DPP10: variants seen among roughly 807,000 people sequenced by gnomAD.
The protein encoded by DPP10 is inactive dipeptidyl peptidase 10.
A neutral mutation model predicts 120.9 loss-of-function variants in DPP10; 33 were observed. The ratio of observed to expected loss-of-function variants is 0.27; its 90% CI spans 0.21 to 0.37. The LOEUF is 0.37. Among genes scored for constraint, DPP10 ranks in the 10% least tolerant of loss-of-function variants. The pLI, the probability that DPP10 is intolerant of heterozygous loss-of-function variation, is 1.00. For missense variants in DPP10, 816 were observed against 942.8 expected (o/e 0.87, Z 1.76); for synonymous variants, 337 against 326.1 (o/e 1.03, Z -0.36).
intron 1 of DPP10, among the ~76,000 whole-genome samples, chr2:115,068,039 A>C (rs904979218): frequency 6.6e-6 from 1 of 151,998 alleles, no homozygotes; most frequent in African/African-American, 2.4e-5. Flanking sequence ...ACAGGAATGC[A>C]GATATCTCTT....
At chr2:115,002,101 G>T (rs1053762938) in intron 1 of DPP10, among the ~76,000 whole-genome samples, 3 of 152,150 alleles carry the variant, frequency 2.0e-5, no homozygotes, top group African/African-American at 7.2e-5. Context: ...GAACAGAGCT[G>T]GAGGCATCAT....
chr2:114,701,956 T>C (rs191532751), intron 1 of DPP10, among the ~76,000 whole-genome samples: 1 of 152,292 alleles, frequency 6.6e-6, no homozygotes, highest in African/African-American at 2.4e-5. Flanking sequence ...ATTAATTCTC[T>C]AGTAAATTAG....
chr2:115,319,089 A>G (rs1159370380), intron 2 of DPP10, among the ~76,000 whole-genome samples: 1 of 152,094 alleles, frequency 6.6e-6, no homozygotes, highest in Non-Finnish European at 1.5e-5. Flanking sequence ...TTTTATTTCT[A>G]GCTCTTAAAA....
intron 1 of DPP10, among the ~76,000 whole-genome samples, chr2:114,477,932 T>TATATGTGTATATATGTACAC (rs1558795094): frequency 4.7e-5 from 7 of 150,020 alleles, no homozygotes; most frequent in African/African-American, 1.5e-4. Flanking sequence ...TATATGTACA[T>TATATGTGTATATATGTACAC]ATGTGTATAT....
At chr2:115,609,141 C>T (rs1297951001) in intron 5 of DPP10, among the ~76,000 whole-genome samples, 1 of 152,082 alleles carries the variant, frequency 6.6e-6, no homozygotes, top group Non-Finnish European at 1.5e-5. Flanking sequence ...AGGATGGAAT[C>T]TCAGAAAGGG....
intron 7 of DPP10, among the ~76,000 whole-genome samples, chr2:115,711,177 G>A (rs1200118405): frequency 6.6e-6 from 1 of 152,114 alleles, no homozygotes; most frequent in Non-Finnish European, 1.5e-5. Flanking sequence ...GGAGTGAATA[G>A]TGGATTCGCT....
chr2:115,141,362 C>T (rs1573760883), intron 1 of DPP10, among the ~76,000 whole-genome samples: 1 of 152,148 alleles, frequency 6.6e-6, no homozygotes, highest in Non-Finnish European at 1.5e-5. Flanking sequence ...CCGTGCATGC[C>T]GCTTCACACA....
intron 5 of DPP10, among the ~76,000 whole-genome samples, chr2:115,613,673 T>C (rs2084278869): frequency 6.6e-6 from 1 of 152,214 alleles, no homozygotes; most frequent in African/African-American, 2.4e-5. Flanking sequence ...TGCTAAGATA[T>C]ATTTATTCTC....
At chr2:114,679,750 G>A (rs1698901868) in intron 1 of DPP10, among the ~76,000 whole-genome samples, 1 of 151,946 alleles carries the variant, frequency 6.6e-6, no homozygotes. Context: ...TTTATTAAAT[G>A]TCACCTTAGG....
intron 7 of DPP10, among the ~76,000 whole-genome samples, chr2:115,693,453 A>G (rs553747826): frequency 6.6e-6 from 1 of 152,244 alleles, no homozygotes; most frequent in Admixed American, 6.5e-5. Context: ...GAAACCCAAG[A>G]CAACTCCACC....
chr2:115,291,632 A>T (rs192698561), intron 1 of DPP10, among the ~76,000 whole-genome samples: 1 of 152,102 alleles, frequency 6.6e-6, no homozygotes, highest in African/African-American at 2.4e-5. Flanking sequence ...TATTTGAATG[A>T]TGGATGTGTT....
At chr2:115,559,092 A>G (rs558246317) in intron 5 of DPP10, among the ~76,000 whole-genome samples, 6 of 152,304 alleles carry the variant, frequency 3.9e-5, no homozygotes, top group African/African-American at 1.2e-4. Context: ...TTCAAAAAGT[A>G]TTTTTATATT....
chr2:114,536,088 C>G (rs896177701), intron 1 of DPP10, among the ~76,000 whole-genome samples: 1 of 152,120 alleles, frequency 6.6e-6, no homozygotes, highest in South Asian at 2.1e-4. Flanking sequence ...GCTCAGAGCC[C>G]CTTCTTTACC....
chr2:115,097,979 C>T (rs550460870), intron 1 of DPP10, among the ~76,000 whole-genome samples: 9 of 152,236 alleles, frequency 5.9e-5, no homozygotes, highest in African/African-American at 2.2e-4. Context: ...GTGAAGGAAC[C>T]TGGACTGGCA....
chr2:115,258,791 G>A (rs2059122504), intron 1 of DPP10, among the ~76,000 whole-genome samples: 1 of 152,266 alleles, frequency 6.6e-6, no homozygotes, highest in African/African-American at 2.4e-5. Context: ...CAGATACTGT[G>A]GAAGCTGAAG....
rs77862713 is a variant in DPP10 at position 114,465,478 on chromosome 2, C to T, written c.60+22640C>T. On this transcript the variant is annotated intron_variant, in intron 1 of 25. Transcript: ENST00000410059. ...GGCTCATCCTATTGATACAATTTCCCTGCTCCCAGCCAATGGCTGCTGCAG... is the reference window on the plus strand; with the variant it reads ...GGCTCATCCTATTGATACAATTTCCTTGCTCCCAGCCAATGGCTGCTGCAG... Among the ~76,000 whole-genome samples the T allele has an allele frequency of 1.5e-4, 23 of 152,292 alleles. No individual in the cohort carries two copies. In the East Asian group the frequency reaches 4.3e-3, roughly 28 times the overall value.
chr2:115,103,576 C>A (rs1477085185), intron 1 of DPP10, among the ~76,000 whole-genome samples: 2 of 152,126 alleles, frequency 1.3e-5, no homozygotes, highest in African/African-American at 4.8e-5. Context: ...TTGGATATCA[C>A]CTCAATTTCT....
At chr2:115,715,511 G>A (rs1051157017) in intron 7 of DPP10, among the ~76,000 whole-genome samples, 6 of 151,978 alleles carry the variant, frequency 3.9e-5, no homozygotes, top group African/African-American at 1.4e-4. Context: ...AACACTTTCT[G>A]CTTCGCTATA....
At chr2:114,532,501 G>A (rs539331182) in intron 1 of DPP10, among the ~76,000 whole-genome samples, 28 of 151,828 alleles carry the variant, frequency 1.8e-4, no homozygotes, top group African/African-American at 5.8e-4. Context: ...CCCAGGTAAA[G>A]AATTAGAATA....
Sources: gnomAD v4.1 joint callset for allele counts (sites outside exome capture counted in the v4.1 genomes callset) on GRCh38, gnomAD v4.1.1 for gene constraint, MANE v1.5 for transcripts, NCBI Gene and HGNC (gene_info 2026-07-23, HGNC 2026-07-21) for gene names.